CCSER1: variants seen among roughly 807,000 people sequenced by gnomAD.
CCSER1 encodes coiled-coil serine rich protein 1, also known as serine-rich coiled-coil domain-containing protein 1.
Under a neutral mutation model 82.0 loss-of-function variants are expected in CCSER1, and 41 were observed. The observed-to-expected ratio is 0.50, with a 90% CI of 0.39 to 0.65. CCSER1 has a LOEUF of 0.65. Among genes scored for constraint, CCSER1 ranks in the 30% least tolerant of loss-of-function variants. The probability of loss-of-function intolerance (pLI) is 0.00; values close to 1 mark genes in which losing one functional copy is unlikely to be tolerated. For missense variants in CCSER1, 1,119 were observed against 1,064.2 expected (o/e 1.05, Z -0.72); for synonymous variants, 414 against 383.9 (o/e 1.08, Z -0.92).
chr4:91,025,907 A>G (rs1581368822), intron 9 of CCSER1, among the ~76,000 whole-genome samples: 1 of 148,082 alleles, frequency 6.8e-6, no homozygotes, highest in South Asian at 2.1e-4. Context: ...TTTCCTGGGA[A>G]CACAGCCTAA....
At chr4:90,831,665 A>G (rs1038208612) in intron 8 of CCSER1, among the ~76,000 whole-genome samples, 7 of 152,104 alleles carry the variant, frequency 4.6e-5, no homozygotes, top group African/African-American at 1.7e-4. Context: ...CTTTACGAAC[A>G]TGACTGTTAT....
At chr4:90,299,217 C>T (rs116597687) in intron 1 of CCSER1, among the ~76,000 whole-genome samples, 4,805 of 152,068 alleles carry the variant, frequency 0.032, 201 homozygotes, top group African/African-American at 0.096. Flanking sequence ...GCTACTTGCA[C>T]ACCACTCACC....
At chr4:91,459,114 CTT>C (rs976382356) in intron 10 of CCSER1, among the ~76,000 whole-genome samples, 4 of 145,430 alleles carry the variant, frequency 2.8e-5, no homozygotes, top group African/African-American at 1.0e-4. Flanking sequence ...TAAAATGTGA[CTT>C]ATAACAATTT....
intron 9 of CCSER1, chr4:90,938,682 TG>T: frequency 2.6e-6 from 1 of 391,668 alleles, no homozygotes; most frequent in Non-Finnish European, 5.2e-6. Context: ...CAAGGCCCTG[TG>T]GAATCCTACA....
intron 10 of CCSER1, among the ~76,000 whole-genome samples, chr4:91,228,308 G>A (rs1738364724): frequency 6.6e-6 from 1 of 151,974 alleles, no homozygotes; most frequent in African/African-American, 2.4e-5. Context: ...GTTTTTAGAA[G>A]CAGACACCTG....
chr4:90,903,533 T>C (rs977411466), intron 8 of CCSER1, among the ~76,000 whole-genome samples: 2 of 152,176 alleles, frequency 1.3e-5, no homozygotes, highest in Admixed American at 1.3e-4. Flanking sequence ...TGCAATAAAA[T>C]TAGAAATCAA....
intron 10 of CCSER1, among the ~76,000 whole-genome samples, chr4:91,324,932 C>T (rs1390645364): frequency 1.2e-4 from 19 of 152,024 alleles, no homozygotes; most frequent in African/African-American, 4.3e-4. Flanking sequence ...AATCACATGA[C>T]GAATTGTAAT....
intron 10 of CCSER1, among the ~76,000 whole-genome samples, chr4:91,232,718 G>T (rs2149118279): frequency 6.6e-6 from 1 of 151,708 alleles, no homozygotes; most frequent in East Asian, 1.9e-4. Flanking sequence ...CTTGTATAAA[G>T]ACAAAATTTT....
At chr4:90,645,953 C>T (rs543276858) in intron 6 of CCSER1, among the ~76,000 whole-genome samples, 2 of 152,272 alleles carry the variant, frequency 1.3e-5, no homozygotes, top group African/African-American at 4.8e-5. Context: ...GAATATTTCT[C>T]TTTACTTGGT....
At position 91,511,183 on chromosome 4, in the gene CCSER1, T is replaced by C. The variant is rs571600558; in HGVS notation, c.2218-87389T>C. ...TTCTCTATTCTGTTTCATTGGTTGA[T>C]GTCTCTGTTTCAGTACTAGTACCAT... On this transcript the variant is annotated intron_variant, in intron 10 of 10. Coordinates refer to ENST00000509176, the MANE Select transcript of CCSER1 (RefSeq NM_001145065.2). 1.2e-4 allele frequency among the ~76,000 whole-genome samples: 18 copies of C among 152,324 alleles called. 1 individual carries two copies. Among genetic ancestry groups the C allele is most frequent in the African/African-American group, 4.1e-4 (17 of 41,582 alleles).
chr4:91,236,347 G>T (rs1739008753), intron 10 of CCSER1, among the ~76,000 whole-genome samples: 1 of 152,102 alleles, frequency 6.6e-6, no homozygotes, highest in Admixed American at 6.6e-5. Context: ...TTAGCTGGGT[G>T]TGGCGGCCAC....
At chr4:91,143,381 G>T (rs1373983013) in intron 10 of CCSER1, among the ~76,000 whole-genome samples, 2 of 151,858 alleles carry the variant, frequency 1.3e-5, no homozygotes. Flanking sequence ...GTACCTTTTG[G>T]CAGATTATGT....
intron 10 of CCSER1, among the ~76,000 whole-genome samples, chr4:91,151,094 G>T (rs981683253): frequency 7.2e-5 from 11 of 152,050 alleles, no homozygotes; most frequent in Admixed American, 7.2e-4. Flanking sequence ...GAATCTATCT[G>T]GTCCTGGACT....
At chr4:91,025,829 G>T (rs1433867771) in intron 9 of CCSER1, among the ~76,000 whole-genome samples, 1 of 151,992 alleles carries the variant, frequency 6.6e-6, no homozygotes, top group Non-Finnish European at 1.5e-5. Flanking sequence ...TCTGTATAGG[G>T]GTGTGTGTAT....
intron 5 of CCSER1, among the ~76,000 whole-genome samples, chr4:90,586,014 G>T (rs889265682): frequency 2.6e-5 from 4 of 152,160 alleles, no homozygotes; most frequent in Non-Finnish European, 2.9e-5. Context: ...TGTCCCAGAA[G>T]TATCTGAAAT....
intron 10 of CCSER1, among the ~76,000 whole-genome samples, chr4:91,393,512 A>C (rs1751786863): frequency 6.6e-6 from 1 of 152,066 alleles, no homozygotes; most frequent in African/African-American, 2.4e-5. Flanking sequence ...ACTTTTATGA[A>C]ACTGAATTCA....
At chr4:91,334,540 A>T (rs1747185648) in intron 10 of CCSER1, among the ~76,000 whole-genome samples, 1 of 151,936 alleles carries the variant, frequency 6.6e-6, no homozygotes, top group African/African-American at 2.4e-5. Flanking sequence ...ACACACACTC[A>T]CACACACACA....
intron 10 of CCSER1, among the ~76,000 whole-genome samples, chr4:91,162,589 T>G (rs1159234290): frequency 2.0e-5 from 3 of 152,234 alleles, no homozygotes; most frequent in Admixed American, 6.5e-5. Flanking sequence ...AGGCTCTTAA[T>G]TATTGCCTCA....
intron 5 of CCSER1, among the ~76,000 whole-genome samples, chr4:90,554,658 C>T (rs754674876): frequency 5.3e-5 from 8 of 152,262 alleles, no homozygotes; most frequent in East Asian, 1.9e-4. Context: ...TAAAGTATAA[C>T]GGAGAATATC....
Sources: gnomAD v4.1 joint callset for allele counts (sites outside exome capture counted in the v4.1 genomes callset) on GRCh38, gnomAD v4.1.1 for gene constraint, MANE v1.5 for transcripts, NCBI Gene and HGNC (gene_info 2026-07-23, HGNC 2026-07-21) for gene names.